Variants in ABHD12 observed in about 807,000 individuals in gnomAD.
The protein encoded by ABHD12 is lysophosphatidylserine lipase ABHD12.
Under a neutral mutation model 58.3 loss-of-function variants are expected in ABHD12, and 43 were observed. That is an observed-to-expected ratio of 0.74 (90% CI 0.58 to 0.95). The LOEUF (loss-of-function observed/expected upper bound fraction) is 0.95, where lower values mean the gene tolerates loss of function less well. Ranked by LOEUF, ABHD12 falls within the 40% of genes least tolerant of loss-of-function variation. The pLI is 0.00. For synonymous variants in ABHD12, 219 were observed against 211.2 expected, an observed-to-expected ratio of 1.04 and a Z score of -0.32; for missense variants, 539 against 537.2, an observed-to-expected ratio of 1.00 and a Z score of -0.03.
chr20:25,318,474 G>A (rs562775211), intron 4 of ABHD12, among the ~76,000 whole-genome samples: 2 of 152,308 alleles, frequency 1.3e-5, no homozygotes, highest in South Asian at 4.1e-4. Context: ...CAGGGGGTCT[G>A]GACCTCAGGG....
At chr20:25,300,926 A>G (rs1568708276) in intron 12 of ABHD12, 42 bp from the exon 13 acceptor site, 3 of 1,599,416 alleles carry the variant, frequency 1.9e-6, no homozygotes, top group Admixed American at 1.7e-5. Flanking sequence ...TTGAGCTCAG[A>G]CCAAAGATCC....
intron 1 of ABHD12, 36 bp downstream of exon 1, chr20:25,390,477 G>GGGGGGGGCCCCCCCC: frequency 1.0e-5 from 1 of 98,520 alleles, no homozygotes; most frequent in Admixed American, 5.7e-4. Context: ...TGAGGGACCG[G>GGGGGGGGCCCCCCCC]CCCCCCCCCC....
intron 4 of ABHD12, 89 bp from the exon 5 acceptor site, chr20:25,317,167 A>AG: frequency 1.2e-6 from 1 of 857,336 alleles, no homozygotes; most frequent in East Asian, 2.6e-5. Context: ...AACCAGGGGG[A>AG]GGCCAATGAA....
chr20:25,371,824 G>A (rs145739072), intron 1 of ABHD12, among the ~76,000 whole-genome samples: 3 of 152,306 alleles, frequency 2.0e-5, no homozygotes, highest in African/African-American at 7.2e-5. Flanking sequence ...TGCTGGGCTT[G>A]CAGGCATAAG....
intron 2 of ABHD12, among the ~76,000 whole-genome samples, chr20:25,328,307 G>A (rs2089210640): frequency 6.6e-6 from 1 of 152,178 alleles, no homozygotes; most frequent in Non-Finnish European, 1.5e-5. Flanking sequence ...GGGAGCCTGA[G>A]AGCTGCAGCC....
Position 25,349,404 on chromosome 20 carries a change from C to T in ABHD12, c.192-10053G>A, listed in dbSNP as rs577535898. On this transcript the variant is annotated intron_variant, in intron 1 of 12. Coordinates refer to ENST00000339157, the MANE Select transcript of ABHD12 (RefSeq NM_001042472.3). The stretch of plus-strand genomic sequence containing the variant: ...ACTCCTCGATATATACTCCAAAGAA[C>T]TGATATCAAGGACTGAAATAGATAC... Among the ~76,000 whole-genome samples the T allele has an allele frequency of 2.0e-5, 3 of 152,254 alleles. No individual in the cohort carries two copies. The South Asian group carries it at 6.2e-4, about 32-fold the overall frequency.
At chr20:25,339,411 G>C (rs1293900916) in intron 1 of ABHD12, 60 bp from the exon 2 acceptor site, 1 of 1,610,584 alleles carries the variant, frequency 6.2e-7, no homozygotes, top group Non-Finnish European at 8.5e-7. Context: ...GCTGTAGTTT[G>C]TTAATAGTGT....
chr20:25,295,145 C>T lies in ABHD12; in HGVS notation c.1158-115G>A, dbSNP rs866024736. ...GATTCATAAATCTGGCATTTTTGTT[C>T]AGCACATCAGGAACTGCAAGTCAGT... On this transcript the variant is annotated intron_variant, in intron 12 of 12. Transcript: ENST00000376542. 3.7e-6 allele frequency: 4 copies of T among 1,089,586 alleles called. No homozygotes were observed. The Middle Eastern group carries it at 8.0e-4, about 217-fold the overall frequency. 67.5% of individuals were successfully genotyped at this position (1,089,586 alleles called of 1,614,324 possible). A position where few individuals can be genotyped will look rare whatever the true frequency, so the allele number is the denominator to read the frequency against.
chr20:25,327,130 T>C (rs1600803846), intron 2 of ABHD12, among the ~76,000 whole-genome samples: 1 of 152,334 alleles, frequency 6.6e-6, no homozygotes, highest in African/African-American at 2.4e-5. Context: ...TCTTTGCCCT[T>C]TCTCCATCTT....
intron 1 of ABHD12, among the ~76,000 whole-genome samples, chr20:25,353,597 G>C (rs2089630468): frequency 6.6e-6 from 1 of 152,102 alleles, no homozygotes; most frequent in Non-Finnish European, 1.5e-5. Flanking sequence ...GCTGCTGCTG[G>C]GTTCACTTTA....
intron 2 of ABHD12, among the ~76,000 whole-genome samples, chr20:25,330,176 C>G (rs2089246172): frequency 6.6e-6 from 1 of 152,258 alleles, no homozygotes; most frequent in Non-Finnish European, 1.5e-5. Flanking sequence ...AGGGAGTTCC[C>G]TTTCCTAGTC....
At chr20:25,337,025 G>A (rs939850794) in intron 2 of ABHD12, among the ~76,000 whole-genome samples, 26 of 152,234 alleles carry the variant, frequency 1.7e-4, no homozygotes, top group African/African-American at 6.0e-4. Flanking sequence ...ACGTTGGGAG[G>A]CCAAGGCAGG....
Position 25,390,626 on chromosome 20 carries a change from G to C in ABHD12, c.78C>G (p.Ala26=). ...AAAGSSSSGS[A]AAALDADCRL... Reference sequence around the variant, plus strand: ...GGCAGTCGGCGTCCAGCGCCGCGGCGGCCGAGCCGGAGGAGGACGAGCCCG... The same window carrying C: ...GGCAGTCGGCGTCCAGCGCCGCGGCCGCCGAGCCGGAGGAGGACGAGCCCG... Residue 26 remains alanine (A), a synonymous_variant, in exon 1 of 13, where the codon GCC becomes GCG. Transcript: ENST00000339157. The C allele has an allele frequency of 1.4e-6, 2 of 1,459,268 alleles. No individual in the cohort carries two copies. 90.4% of individuals were successfully genotyped at this position (1,459,268 alleles called of 1,614,324 possible).
At chr20:25,353,587 G>A (rs1022944157) in intron 1 of ABHD12, among the ~76,000 whole-genome samples, 1 of 152,114 alleles carries the variant, frequency 6.6e-6, no homozygotes, top group Non-Finnish European at 1.5e-5. Context: ...TACAGGCTGG[G>A]CTGCTGCTGG....
chr20:25,344,357 A>T (rs1232002510), intron 1 of ABHD12, among the ~76,000 whole-genome samples: 2 of 152,230 alleles, frequency 1.3e-5, no homozygotes, highest in East Asian at 1.9e-4. Context: ...CCAGGATACG[A>T]GGTTAATATA....
At chr20:25,295,035 G>A in intron 12 of ABHD12, 1 of 1,614,200 alleles carries the variant, frequency 6.2e-7, no homozygotes, top group Non-Finnish European at 8.5e-7. Flanking sequence ...TGAGGTCTGT[G>A]ATAAAGGAAG....
At chr20:25,326,316 A>G (rs1315184985) in intron 2 of ABHD12, among the ~76,000 whole-genome samples, 3 of 152,196 alleles carry the variant, frequency 2.0e-5, no homozygotes, top group African/African-American at 4.8e-5. Context: ...TTAAGGATTC[A>G]AAGGACTTAT....
intron 3 of ABHD12, among the ~76,000 whole-genome samples, chr20:25,322,366 T>C (rs185403824): frequency 8.5e-5 from 4 of 47,132 alleles, no homozygotes; most frequent in South Asian, 1.1e-3. Context: ...GGAAAAGATA[T>C]ATATATATAT....
chr20:25,309,694 C>T (rs1237625893), intron 6 of ABHD12, 119 bp from the exon 7 acceptor site: 1 of 1,478,220 alleles, frequency 6.8e-7, no homozygotes, highest in East Asian at 2.3e-5. Flanking sequence ...GCTTGGCCCA[C>T]CCTTCCAGAG....
Sources: allele counts gnomAD v4.1 joint callset (sites outside exome capture counted in the v4.1 genomes callset), GRCh38; gene constraint gnomAD v4.1.1; transcripts MANE v1.5; gene names NCBI Gene and HGNC (gene_info 2026-07-23, HGNC 2026-07-21).